The following TENM3 variants were observed in gnomAD, a reference collection of about 807,000 sequenced individuals.
The protein encoded by TENM3 is teneurin transmembrane protein 3, also known as teneurin-3.
A neutral mutation model predicts 255.1 loss-of-function variants in TENM3; 63 were observed. That is an observed-to-expected ratio of 0.25 (90% CI 0.20 to 0.30). The LOEUF is 0.30. Ranked by LOEUF, TENM3 falls within the 10% of genes least tolerant of loss-of-function variation. The pLI is 1.00. For synonymous variants in TENM3, 1,306 were observed against 1,322.3 expected (o/e 0.99, Z 0.27); for missense variants, 2,929 against 3,461.1 (o/e 0.85, Z 3.86).
intron 5 of TENM3, 93 bp from the exon 6 acceptor site, chr4:182,653,677 CT>C: frequency 7.3e-7 from 1 of 1,364,566 alleles, no homozygotes; most frequent in Non-Finnish European, 9.8e-7. Context: ...GAAATTGTAA[CT>C]TTACATATGA....
the TENM3 span, among the ~76,000 whole-genome samples, chr4:181,784,465 G>T: frequency 6.6e-6 from 1 of 151,748 alleles, no homozygotes; most frequent in Non-Finnish European, 1.5e-5. Flanking sequence ...TTTATTTATA[G>T]TTTCTCCATT....
At chr4:182,037,066 A>C in the TENM3 span, among the ~76,000 whole-genome samples, 2 of 152,130 alleles carry the variant, frequency 1.3e-5, no homozygotes, top group African/African-American at 4.8e-5. Context: ...AAATAAAAAT[A>C]ATGGAGTTCT....
chr4:182,653,969 A>T (rs1414223266), intron 6 of TENM3, 76 bp downstream of exon 6: 8 of 1,435,200 alleles, frequency 5.6e-6, no homozygotes, highest in Non-Finnish European at 5.6e-6. Context: ...ACCCATGCTT[A>T]CATCTAGTTT....
the TENM3 span, among the ~76,000 whole-genome samples, chr4:181,472,425 A>G: frequency 3.3e-5 from 5 of 152,122 alleles, no homozygotes; most frequent in Non-Finnish European, 5.9e-5. Flanking sequence ...CCTTACTTCA[A>G]TATAGAACAG....
At chr4:182,540,302 A>C (rs1208694302) in intron 3 of TENM3, among the ~76,000 whole-genome samples, 1 of 152,198 alleles carries the variant, frequency 6.6e-6, no homozygotes, top group Non-Finnish European at 1.5e-5. Flanking sequence ...TAAAAATTTC[A>C]CTTAAGGCCA....
the TENM3 span, among the ~76,000 whole-genome samples, chr4:181,467,125 ATTTT>A: frequency 2.3e-4 from 4 of 17,616 alleles, no homozygotes; most frequent in African/African-American, 9.9e-4. Flanking sequence ...ATATATATAT[ATTTT>A]TTTTTTTTTT....
At chr4:181,640,175 T>C in the TENM3 span, among the ~76,000 whole-genome samples, 9 of 152,126 alleles carry the variant, frequency 5.9e-5, no homozygotes, top group South Asian at 1.0e-3. Context: ...ACCTGGGAAA[T>C]TGATAGAAAT....
intron 12 of TENM3, among the ~76,000 whole-genome samples, chr4:182,694,676 T>C (rs1056628305): frequency 3.9e-5 from 6 of 152,220 alleles, no homozygotes; most frequent in Non-Finnish European, 7.3e-5. Flanking sequence ...CTTTGTTTGC[T>C]CAGACAAAAC....
At chr4:182,576,203 T>C (rs1277532479) in intron 3 of TENM3, among the ~76,000 whole-genome samples, 3 of 152,212 alleles carry the variant, frequency 2.0e-5, no homozygotes, top group Non-Finnish European at 4.4e-5. Flanking sequence ...CCAAGTTTCT[T>C]CCTCCTAGTA....
rs375739977 is a variant in TENM3, at chr4:182,797,370, C to T, written c.7344+603C>T. On this transcript the variant is annotated intron_variant, in intron 27 of 27. Transcript: ENST00000511685. ...AGGAGAATCACTTGAACCTGGGAGG[C>T]GGAGGTTGCAGTGACCCGAGATCAC... Among the ~76,000 whole-genome samples the T allele has an allele frequency of 3.6e-3, 552 of 151,458 alleles. 4 individuals are homozygous for T. Among genetic ancestry groups the T allele is most frequent in the African/African-American group, 0.013 (517 of 41,190 alleles).
chr4:181,959,000 A>G, the TENM3 span, among the ~76,000 whole-genome samples: 1 of 152,146 alleles, frequency 6.6e-6, no homozygotes, highest in African/African-American at 2.4e-5. Context: ...ATACTATAAA[A>G]ATCCTTGAGG....
the TENM3 span, among the ~76,000 whole-genome samples, chr4:181,588,900 G>A: frequency 6.6e-6 from 1 of 152,112 alleles, no homozygotes; most frequent in African/African-American, 2.4e-5. Flanking sequence ...CCATAGAGAG[G>A]ATAATTGAAT....
At chr4:181,816,019 T>G in the TENM3 span, among the ~76,000 whole-genome samples, 1 of 152,210 alleles carries the variant, frequency 6.6e-6, no homozygotes, top group Admixed American at 6.5e-5. Flanking sequence ...TTCATATCTT[T>G]CCATTGATTT....
chr4:182,406,758 T>C (rs1324732711), intron 3 of TENM3, among the ~76,000 whole-genome samples: 1 of 152,266 alleles, frequency 6.6e-6, no homozygotes, highest in Non-Finnish European at 1.5e-5. Flanking sequence ...AAGTTTATAA[T>C]CAGCTACAGA....
At chr4:181,581,144 GA>G in the TENM3 span, among the ~76,000 whole-genome samples, 3 of 151,784 alleles carry the variant, frequency 2.0e-5, no homozygotes, top group Admixed American at 2.0e-4. Context: ...TCAGTGAGGG[GA>G]AAAAAAACAG....
At chr4:182,339,071 G>A (rs1206365825) in intron 2 of TENM3, among the ~76,000 whole-genome samples, 5 of 152,208 alleles carry the variant, frequency 3.3e-5, no homozygotes, top group African/African-American at 4.8e-5. Context: ...AGACAAAAAC[G>A]AAAGGAATCT....
the TENM3 span, among the ~76,000 whole-genome samples, chr4:181,469,976 C>G: frequency 6.6e-6 from 1 of 151,744 alleles, no homozygotes; most frequent in Admixed American, 6.6e-5. Flanking sequence ...TCACTCCGGT[C>G]GACATGATTC....
chr4:182,388,581 G>T (rs991163786), intron 3 of TENM3, among the ~76,000 whole-genome samples: 6 of 152,136 alleles, frequency 3.9e-5, no homozygotes, highest in African/African-American at 1.4e-4. Flanking sequence ...CTCTCACCAA[G>T]TCAAAAATGC....
chr4:182,580,683 A>G (rs1228814469), intron 3 of TENM3, among the ~76,000 whole-genome samples: 2 of 152,190 alleles, frequency 1.3e-5, no homozygotes, highest in Non-Finnish European at 1.5e-5. Context: ...CATGGCAGGT[A>G]TCATAGCCCC....
Sources: allele counts gnomAD v4.1 joint callset (sites outside exome capture counted in the v4.1 genomes callset), GRCh38; gene constraint gnomAD v4.1.1; transcripts MANE v1.5; gene names NCBI Gene and HGNC (gene_info 2026-07-23, HGNC 2026-07-21).